ANKFN1: variants seen among roughly 807,000 people sequenced by gnomAD.
ANKFN1 encodes ankyrin repeat and fibronectin type III domain containing 1.
A neutral mutation model predicts 108.7 loss-of-function variants in ANKFN1; 74 were observed. The ratio of observed to expected loss-of-function variants is 0.68; its 90% CI spans 0.56 to 0.83. The LOEUF (loss-of-function observed/expected upper bound fraction) is 0.83, where lower values mean the gene tolerates loss of function less well. Among genes scored for constraint, ANKFN1 ranks in the 40% least tolerant of loss-of-function variants. The pLI is 0.00. For synonymous variants in ANKFN1, 547 were observed against 516.2 expected, an observed-to-expected ratio of 1.06 and a Z score of -0.81; for missense variants, 1,505 against 1,382.3, an observed-to-expected ratio of 1.09 and a Z score of -1.41.
At chr17:56,319,661 G>A (rs2045308326) in intron 3 of ANKFN1, among the ~76,000 whole-genome samples, 2 of 152,072 alleles carry the variant, frequency 1.3e-5, no homozygotes. Flanking sequence ...GAATACAGAT[G>A]GCCTAGGGAT....
At chr17:56,127,078 G>A (rs180784788) in intron 4 of ANKFN1, among the ~76,000 whole-genome samples, 5 of 152,326 alleles carry the variant, frequency 3.3e-5, no homozygotes, top group Admixed American at 6.5e-5. Flanking sequence ...TAGCACAAGA[G>A]TGTAATCATG....
intron 15 of ANKFN1, among the ~76,000 whole-genome samples, chr17:56,468,993 TA>T (rs970768202): frequency 6.6e-6 from 1 of 152,204 alleles, no homozygotes; most frequent in Non-Finnish European, 1.5e-5. Flanking sequence ...GGGTCTGGGC[TA>T]CCTTTGCTCC....
rs1322651167 is a variant in ANKFN1 at position 56,089,254 on chromosome 17, G to T, written c.288+42929G>T. Among the ~76,000 whole-genome samples the T allele has an allele frequency of 4.0e-5, 6 of 151,330 alleles. 1 individual carries two copies. The highest frequency in any genetic ancestry group is 1.5e-4 in the African/African-American group (6 of 41,290). On this transcript the variant is annotated intron_variant, in intron 4 of 12. Transcript: ENST00000635860. ...ATACATTTACATTAACCTTTTTAATGTCTGCATAATACTCCATCATACTAC... is the reference window on the plus strand; with the variant it reads ...ATACATTTACATTAACCTTTTTAATTTCTGCATAATACTCCATCATACTAC...
rs549553077 is a variant in ANKFN1 at position 56,117,072 on chromosome 17, T to C, written c.288+70747T>C. On this transcript the variant is annotated intron_variant, in intron 4 of 12. Transcript: ENST00000635860. ...ACCACTTTATCTAAAATAGCTCCTGTTCTTGCCTTATTTTCCTTATTTTTT... is the reference window on the plus strand; with the variant it reads ...ACCACTTTATCTAAAATAGCTCCTGCTCTTGCCTTATTTTCCTTATTTTTT... Among the ~76,000 whole-genome samples, 3 of 152,296 alleles carry C rather than the reference T, an allele frequency of 2.0e-5. No homozygotes were observed. In the South Asian group the frequency reaches 6.2e-4, roughly 32 times the overall value.
At chr17:56,259,424 T>C (rs563265459) in intron 3 of ANKFN1, among the ~76,000 whole-genome samples, 6 of 152,336 alleles carry the variant, frequency 3.9e-5, no homozygotes, top group African/African-American at 1.2e-4. Context: ...ATTTGGTTTT[T>C]GGTAAGTACT....
intron 4 of ANKFN1, among the ~76,000 whole-genome samples, chr17:56,054,733 A>G (rs118009737): frequency 1.3e-5 from 2 of 152,178 alleles, no homozygotes; most frequent in East Asian, 3.9e-4. Context: ...GCAACAAAAA[A>G]TAAACAAATT....
intron 4 of ANKFN1, chr17:56,110,990 C>T (rs1905929154): frequency 1.3e-5 from 2 of 152,164 alleles, no homozygotes; most frequent in Admixed American, 1.3e-4. Context: ...AAGCTGGAGC[C>T]CTGGGGAACA....
At position 56,486,666 on chromosome 17, in the gene ANKFN1, G is replaced by A. The variant is rs191665697; in HGVS notation, c.2260+4142G>A. ...TATAAGTAGGAAATTCTATTCATAGGTAGTTACATAGTAAAGGGTCAAGAG... is the reference window on the plus strand; with the variant it reads ...TATAAGTAGGAAATTCTATTCATAGATAGTTACATAGTAAAGGGTCAAGAG... On this transcript the variant is annotated intron_variant, in intron 18 of 20. Coordinates refer to ENST00000682825, the MANE Select transcript of ANKFN1 (RefSeq NM_001370326.1). Among the ~76,000 whole-genome samples the A allele has an allele frequency of 1.0e-3, 159 of 152,258 alleles. 2 individuals are homozygous for A. Among genetic ancestry groups the A allele is most frequent in the Non-Finnish European group, 2.4e-4 (16 of 68,018 alleles).
chr17:56,126,672 C>G (rs370060017), intron 4 of ANKFN1, among the ~76,000 whole-genome samples: 2 of 152,324 alleles, frequency 1.3e-5, no homozygotes, highest in East Asian at 3.9e-4. Flanking sequence ...GGCTTCACAC[C>G]TAATTCTCCC....
chr17:56,463,196 T>G (rs1372616801), intron 14 of ANKFN1, among the ~76,000 whole-genome samples: 1 of 152,216 alleles, frequency 6.6e-6, no homozygotes, highest in African/African-American at 2.4e-5. Context: ...ATTTAATCTT[T>G]GCCACAACCT....
At chr17:56,317,141 G>A (rs540751408) in intron 3 of ANKFN1, among the ~76,000 whole-genome samples, 4 of 152,108 alleles carry the variant, frequency 2.6e-5, no homozygotes, top group Admixed American at 6.6e-5. Flanking sequence ...TATGTGTTAA[G>A]TGCTCTATGG....
chr17:56,172,721 C>T (rs1480916936), intron 1 of ANKFN1, among the ~76,000 whole-genome samples: 2 of 152,114 alleles, frequency 1.3e-5, no homozygotes, highest in African/African-American at 2.4e-5. Context: ...CCTGGAGAGC[C>T]GATGTGGGGC....
At chr17:56,244,553 G>A (rs1298257888) in intron 3 of ANKFN1, among the ~76,000 whole-genome samples, 1 of 152,144 alleles carries the variant, frequency 6.6e-6, no homozygotes, top group East Asian at 1.9e-4. Flanking sequence ...ATCTGAATGA[G>A]TGAGTGATGT....
chr17:56,397,132 A>G (rs1413724125), intron 8 of ANKFN1, among the ~76,000 whole-genome samples: 1 of 152,164 alleles, frequency 6.6e-6, no homozygotes, highest in Non-Finnish European at 1.5e-5. Flanking sequence ...ACATGAGTCA[A>G]GTAGCTTAAA....
intron 18 of ANKFN1, 49 bp from the exon 19 acceptor site, chr17:56,492,138 T>C (rs969022251): frequency 2.9e-6 from 2 of 678,050 alleles, no homozygotes; most frequent in Non-Finnish European, 2.7e-6. Flanking sequence ...AATTTCTCTA[T>C]TTTGATACCA....
intron 4 of ANKFN1, among the ~76,000 whole-genome samples, chr17:56,093,448 G>A (rs1168911745): frequency 2.0e-5 from 3 of 151,164 alleles, no homozygotes; most frequent in Non-Finnish European, 4.4e-5. Flanking sequence ...TTAAGCATCA[G>A]GCAGTCTTCC....
chr17:56,470,873 A>G (rs567841078), intron 15 of ANKFN1, among the ~76,000 whole-genome samples: 76 of 152,294 alleles, frequency 5.0e-4, no homozygotes, highest in African/African-American at 1.7e-3. Flanking sequence ...AAGAGTCCCT[A>G]TGAGCAAAGT....
chr17:56,467,816 A>G (rs1461203710), intron 15 of ANKFN1, among the ~76,000 whole-genome samples: 568 of 42,384 alleles, frequency 0.013, 25 homozygotes, highest in African/African-American at 0.072. Flanking sequence ...GAAAGAAAGA[A>G]AGAAAGAAAG....
At chr17:56,200,504 G>T (rs1913955322) in intron 1 of ANKFN1, among the ~76,000 whole-genome samples, 1 of 152,202 alleles carries the variant, frequency 6.6e-6, no homozygotes, top group South Asian at 2.1e-4. Flanking sequence ...ATATTACACA[G>T]AACCTCAACA....
Sources: allele counts gnomAD v4.1 joint callset (sites outside exome capture counted in the v4.1 genomes callset), GRCh38; gene constraint gnomAD v4.1.1; transcripts MANE v1.5; gene names NCBI Gene and HGNC (gene_info 2026-07-23, HGNC 2026-07-21).